SUN2: variants seen among roughly 807,000 people sequenced by gnomAD.
SUN2 encodes the protein Sad1 and UNC84 domain containing 2, also known as SUN domain-containing protein 2.
A neutral mutation model predicts 100.0 loss-of-function variants in SUN2; 60 were observed. The ratio of observed to expected loss-of-function variants is 0.60; its 90% CI spans 0.49 to 0.74. The LOEUF (loss-of-function observed/expected upper bound fraction) is 0.74, where lower values mean the gene tolerates loss of function less well. Ranked by LOEUF, SUN2 falls within the 30% of genes least tolerant of loss-of-function variation. The pLI is 0.00. For missense variants in SUN2, 834 were observed against 954.6 expected (o/e 0.87, Z 1.66); for synonymous variants, 367 against 403.3 (o/e 0.91, Z 1.08).
chr22:38,755,942 G>A lies in SUN2; in HGVS notation c.-217C>T. 2 of 983,346 alleles carry A rather than the reference G, an allele frequency of 2.0e-6. No homozygotes were observed. Among genetic ancestry groups the A allele is most frequent in the Non-Finnish European group, 2.4e-6 (2 of 829,182 alleles). The allele number at this position is 983,346 out of a possible 1,614,324, so 60.9% of individuals were successfully genotyped here. A position where few individuals can be genotyped will look rare whatever the true frequency, so the allele number is the denominator to read the frequency against. ...CGACGCGGGACAAGGCGGGCGGGCGGACAATGCGGCCGGCGGAGGCCCGCG... is the reference window on the plus strand; with the variant it reads ...CGACGCGGGACAAGGCGGGCGGGCGAACAATGCGGCCGGCGGAGGCCCGCG... On this transcript the variant is annotated 5_prime_UTR_variant, in exon 1 of 18. Transcript: ENST00000689035. The surrounding 1 kb of genome is among the most constrained non-coding windows in gnomAD (Gnocchi z 5.7).
rs994564360 is a variant in SUN2 at position 38,737,886 on chromosome 22, G to A, written c.2040+287C>T. 4.3e-5 allele frequency: 27 copies of A among 624,326 alleles called. No homozygotes were observed. Among genetic ancestry groups the A allele is most frequent in the Middle Eastern group, 2.6e-4 (1 of 3,802 alleles). 38.7% of individuals were successfully genotyped at this position (624,326 alleles called of 1,614,324 possible). On this transcript the variant is annotated intron_variant, in intron 17 of 17. Coordinates refer to ENST00000689035, the MANE Select transcript of SUN2 (RefSeq NM_015374.3). The surrounding 1 kb of genome is among the most constrained non-coding windows in gnomAD (Gnocchi z 4.1). ...CGGCGGCTCCTCGAACGCCTCTCCC[G>A]GCCTTCCTTTCCTGGCCACCCAACC...
chr22:38,740,195 T>A lies in SUN2; in HGVS notation c.1356+72A>T. The A allele has an allele frequency of 6.9e-7, 1 of 1,451,742 alleles. No homozygotes were observed. The highest frequency in any genetic ancestry group is 9.1e-7 in the Non-Finnish European group (1 of 1,099,344). 89.9% of individuals were successfully genotyped at this position (1,451,742 alleles called of 1,614,324 possible). ...GCTGCAGGGGCAAGGGGTGCTGCTT[T>A]GCAGGCCCCAGGACACGTCGTCTCA... On this transcript the variant is annotated intron_variant, in intron 12 of 17. Coordinates refer to ENST00000689035, the MANE Select transcript of SUN2 (RefSeq NM_015374.3). The surrounding 1 kb of genome is among the most constrained non-coding windows in gnomAD (Gnocchi z 4.8).
chr22:38,752,710 TC>T, intron 1 of SUN2, 45 bp from the exon 2 acceptor site: 1 of 1,554,580 alleles, frequency 6.4e-7, no homozygotes. Context: ...CCTGGGGCTG[TC>T]CCCAGCTCCT....
intron 5 of SUN2, 26 bp downstream of exon 5, chr22:38,750,199 G>A (rs1275830356): frequency 1.3e-5 from 21 of 1,603,408 alleles, no homozygotes; most frequent in Non-Finnish European, 1.8e-5. Flanking sequence ...AAGAATGGAA[G>A]TAACTGGGCA....
In SUN2 at chr22:38,748,918, T is replaced by G. The variant is rs1253799489; in HGVS notation, c.615-135A>C. ...AGAGCTAAGGAGGATAGCTTGAGCTTCTCACTGTGCCAGGGCCAGCCTGGA... is the reference window on the plus strand; with the variant it reads ...AGAGCTAAGGAGGATAGCTTGAGCTGCTCACTGTGCCAGGGCCAGCCTGGA... On this transcript the variant is annotated intron_variant, in intron 6 of 17. Transcript: ENST00000689035. 5 of 873,738 alleles carry G rather than the reference T, an allele frequency of 5.7e-6. No individual in the cohort carries two copies. In the African/African-American group the frequency reaches 8.3e-5, roughly 14 times the overall value. The allele number at this position is 873,738 out of a possible 1,614,324, so 54.1% of individuals were successfully genotyped here.
Position 38,742,681 on chromosome 22 carries a change from C to T in SUN2, c.814-126G>A, listed in dbSNP as rs1408050364. ...ATTCCAGAGACGTTCCAGCATAAGG[C>T]CATGCAGGGCCGGCTGGAGCTCGTG... On this transcript the variant is annotated intron_variant, in intron 8 of 17. Transcript: ENST00000689035. 3 of 1,267,808 alleles carry T rather than the reference C, an allele frequency of 2.4e-6. No homozygotes were observed. In the Admixed American group the frequency reaches 8.2e-5, roughly 34 times the overall value. The allele number at this position is 1,267,808 out of a possible 1,614,324, so 78.5% of individuals were successfully genotyped here. A position where few individuals can be genotyped will look rare whatever the true frequency, so the allele number is the denominator to read the frequency against.
rs750262948 is a variant in SUN2, at chr22:38,741,569, T to C, written c.1071A>G (p.Glu357=). The C allele has an allele frequency of 6.2e-7, 1 of 1,614,046 alleles. No homozygotes were observed. The highest frequency in any genetic ancestry group is 8.5e-7 in the Non-Finnish European group (1 of 1,179,994). The part of the protein sequence containing the change: ...FRRETAARIQ[E]ELSALRAEHQ... ...GCTCTGCTCTCAGGGCAGACAGTTC[T>C]TCCTGTGAGACGGGAGTGAGAGGAC... The change falls in exon 10 of 18, where the codon GAA becomes GAG. Residue 357 remains glutamate (E), a splice_region_variant and synonymous_variant. Transcript: ENST00000689035.
rs140381759 is a variant in SUN2, at chr22:38,739,778, C to T, written c.1522G>A (p.Ala508Thr). ...EMQGKSAREA[A>T]ASLSLTLQKE... Reference sequence around the variant, plus strand: ...TGCAGCGTCAGGCTCAGGGAGGCCGCGGCTTCCCTGGCCGACTTGCCCTGC... The same window carrying T: ...TGCAGCGTCAGGCTCAGGGAGGCCGTGGCTTCCCTGGCCGACTTGCCCTGC... The change falls in exon 13 of 18, where the codon GCG becomes ACG. Residue 508 changes from alanine (A) to threonine (T), a missense_variant. Physicochemically the swap from Ala to Thr is moderately conservative, Grantham distance 58. Transcript: ENST00000689035. This position sits in a 1 kb window ranked among gnomAD's most constrained non-coding sequence, Gnocchi z 6.7. 1.9e-5 allele frequency: 31 copies of T among 1,613,678 alleles called. No homozygotes were observed. Among genetic ancestry groups the T allele is most frequent in the African/African-American group, 6.7e-5 (5 of 75,080 alleles).
At chr22:38,736,433 G>A (rs868842057) in intron 17 of SUN2, 53 bp from the exon 18 acceptor site, 5 of 1,460,922 alleles carry the variant, frequency 3.4e-6, no homozygotes, top group Middle Eastern at 1.8e-4. Context: ...AGGCCTCACT[G>A]ACAGAGAAGG....
At chr22:38,754,992 T>C (rs2092974859) in intron 1 of SUN2, 1 of 1,285,884 alleles carries the variant, frequency 7.8e-7, no homozygotes, top group Non-Finnish European at 1.0e-6. Flanking sequence ...CTACTGCGAA[T>C]CATAATAGAC....
In SUN2 at chr22:38,740,028, A is replaced by G; in HGVS notation, c.1357-85T>C. On this transcript the variant is annotated intron_variant, in intron 12 of 17. Coordinates refer to ENST00000689035, the MANE Select transcript of SUN2 (RefSeq NM_015374.3). This position sits in a 1 kb window ranked among gnomAD's most constrained non-coding sequence, Gnocchi z 4.8. ...TGACAGGGCTAGTGCTTAGCTGGAT[A>G]GCAGGGATAGGGTAGGAGGGAGGCC... 1 of 1,475,910 alleles carries G rather than the reference A, an allele frequency of 6.8e-7. No homozygotes were observed. Among genetic ancestry groups the G allele is most frequent in the Non-Finnish European group, 9.2e-7 (1 of 1,082,976 alleles). The allele number at this position is 1,475,910 out of a possible 1,614,324, so 91.4% of individuals were successfully genotyped here.
chr22:38,750,050 C>T (rs550164513), intron 5 of SUN2, among the ~76,000 whole-genome samples, 175 bp downstream of exon 5: 39 of 151,480 alleles, frequency 2.6e-4, no homozygotes, highest in Non-Finnish European at 1.5e-5. Context: ...GCTACTCCTT[C>T]CCTTCCACGC....
intron 2 of SUN2, among the ~76,000 whole-genome samples, chr22:38,751,637 C>T (rs565955301): frequency 1.3e-5 from 2 of 152,380 alleles, no homozygotes; most frequent in South Asian, 4.1e-4. Context: ...CCACTGAAAC[C>T]AGACAGACCT....
chr22:38,737,881 C>G lies in SUN2; in HGVS notation c.2040+292G>C. 1.6e-6 allele frequency: 1 copy of G among 618,136 alleles called. No individual in the cohort carries two copies. Among genetic ancestry groups the G allele is most frequent in the Admixed American group, 2.1e-5 (1 of 46,966 alleles). 38.3% of individuals were successfully genotyped at this position (618,136 alleles called of 1,614,324 possible). ...GCTGGCGGCGGCTCCTCGAACGCCT[C>G]TCCCGGCCTTCCTTTCCTGGCCACC... On this transcript the variant is annotated intron_variant, in intron 17 of 17. Coordinates refer to ENST00000689035, the MANE Select transcript of SUN2 (RefSeq NM_015374.3). The surrounding 1 kb of genome is among the most constrained non-coding windows in gnomAD (Gnocchi z 4.1).
intron 1 of SUN2, among the ~76,000 whole-genome samples, chr22:38,753,942 T>C (rs979205312): frequency 5.3e-5 from 8 of 152,238 alleles, no homozygotes; most frequent in Non-Finnish European, 2.9e-5. Flanking sequence ...GAATCTTTTT[T>C]AGCCTCACAC....
rs1036301150 is a variant in SUN2 at position 38,751,027 on chromosome 22, G to A, written c.295C>T (p.Leu99=). Residue 99 remains leucine (L), a synonymous_variant, in exon 4 of 18, where the codon CTG becomes TTG. Coordinates refer to ENST00000689035, the MANE Select transcript of SUN2 (RefSeq NM_015374.3). The stretch of plus-strand genomic sequence containing the variant: ...GTGCCTCTCCTCCTCCGCACCCGCA[G>A]GTCCTCACCTGTGCAGGGAAGAACC... ...LHGDANWGED[L]RVRRRRGTGG... 6.2e-7 allele frequency: 1 copy of A among 1,613,190 alleles called. No individual in the cohort carries two copies. The highest frequency in any genetic ancestry group is 1.3e-5 in the African/African-American group (1 of 75,046).
chr22:38,747,923 A>T (rs1464058398), intron 7 of SUN2, among the ~76,000 whole-genome samples: 2 of 152,184 alleles, frequency 1.3e-5, no homozygotes, highest in South Asian at 2.1e-4. Flanking sequence ...AGCTGGGGTG[A>T]CAGAAGAAGA....
chr22:38,738,988 C>T lies in SUN2; in HGVS notation c.1664G>A (p.Gly555Glu). ...ACATCGGGTGCTGATGACGCTGGCC[C>T]CTGAGACAGGAGAGGAAGGCAGGGT... ...GLADYALESG[G>E]ASVISTRCSE... The change falls in exon 15 of 18, where the codon GGG becomes GAG. Residue 555 changes from glycine to glutamate, a missense_variant and splice_region_variant. By Grantham distance (98) the Gly-to-Glu change is moderately conservative (BLOSUM62 -2). This residue lies in a region of SUN2 where 195 missense variants were observed against 280.2 expected (regional missense o/e 0.70). Coordinates refer to ENST00000689035, the MANE Select transcript of SUN2 (RefSeq NM_015374.3). This position sits in a 1 kb window ranked among gnomAD's most constrained non-coding sequence, Gnocchi z 6.6. The T allele has an allele frequency of 1.2e-6, 2 of 1,607,908 alleles. No homozygotes were observed. Among genetic ancestry groups the T allele is most frequent in the Non-Finnish European group, 1.7e-6 (2 of 1,177,358 alleles).
rs1223002267 is a variant in SUN2 at position 38,746,230 on chromosome 22, C to T, written c.686-419G>A. On this transcript the variant is annotated intron_variant, in intron 7 of 17. Transcript: ENST00000689035. ...AGCTAATTGGCCTGGGGTGGGGCCC[C>T]TGCGTAGGTGAGTTTGTAAAGCTTC... 7.2e-5 allele frequency among the ~76,000 whole-genome samples: 11 copies of T among 152,152 alleles called. 1 individual carries two copies. The highest frequency in any genetic ancestry group is 4.1e-4 in the South Asian group (2 of 4,824).
Sources: gnomAD v4.1 joint callset for allele counts (sites outside exome capture counted in the v4.1 genomes callset) on GRCh38, gnomAD v4.1.1 for gene constraint, gnomAD v4.1.1 regional missense constraint, Gnocchi (gnomAD v3.1) non-coding constraint, MANE v1.5 for transcripts, NCBI Gene and HGNC (gene_info 2026-07-23, HGNC 2026-07-21) for gene names.